The following OR56A3 variants were observed in gnomAD, a reference collection of about 807,000 sequenced individuals.
OR56A3 encodes olfactory receptor family 56 subfamily A member 3, also known as olfactory receptor 56A3.
In OR56A3, 23 loss-of-function variants were observed where a neutral mutation model predicts 17.5. The ratio of observed to expected loss-of-function variants is 1.32; its 90% CI spans 0.95 to 1.87. The LOEUF is 1.87. Among genes scored for constraint, OR56A3 ranks in the 40% most tolerant of loss-of-function variants. The pLI, the probability that OR56A3 is intolerant of heterozygous loss-of-function variation, is 0.00. For missense variants in OR56A3, 366 were observed against 380.1 expected, an observed-to-expected ratio of 0.96 and a Z score of 0.31; for synonymous variants, 175 against 150.6, an observed-to-expected ratio of 1.16 and a Z score of -1.19.
chr11:5,998,065 C>A, the OR56A3 span, among the ~76,000 whole-genome samples: 1 of 152,166 alleles, frequency 6.6e-6, no homozygotes, highest in Admixed American at 6.5e-5. Context: ...TGCTGAGACA[C>A]AATCCTCTGT....
At chr11:6,018,795 A>T in the OR56A3 span, among the ~76,000 whole-genome samples, 1 of 152,068 alleles carries the variant, frequency 6.6e-6, no homozygotes, top group Non-Finnish European at 1.5e-5. Context: ...TAGACTAATC[A>T]AAAGAAAAAG....
chr11:5,979,470 T>G, the OR56A3 span, among the ~76,000 whole-genome samples: 1 of 152,110 alleles, frequency 6.6e-6, no homozygotes, highest in Non-Finnish European at 1.5e-5. Flanking sequence ...TTCCAGGAAT[T>G]TATCCATTTT....
chr11:6,008,773 T>C, the OR56A3 span, among the ~76,000 whole-genome samples: 4 of 152,052 alleles, frequency 2.6e-5, no homozygotes, highest in Middle Eastern at 3.2e-3. Context: ...CAACAAAGAA[T>C]CATTCCTGCC....
At chr11:5,996,169 A>T in the OR56A3 span, among the ~76,000 whole-genome samples, 1 of 152,250 alleles carries the variant, frequency 6.6e-6, no homozygotes, top group Non-Finnish European at 1.5e-5. Context: ...TGTTATCAAC[A>T]GATGAATGGG....
At chr11:5,984,010 C>T in the OR56A3 span, among the ~76,000 whole-genome samples, 26 of 152,216 alleles carry the variant, frequency 1.7e-4, no homozygotes, top group Admixed American at 1.1e-3. Context: ...TGAGATTTTG[C>T]GATGTCTTTC....
chr11:5,960,788 G>A, the OR56A3 span, among the ~76,000 whole-genome samples: 7 of 150,924 alleles, frequency 4.6e-5, no homozygotes, highest in African/African-American at 9.8e-5. Flanking sequence ...GCGTCTTCCC[G>A]GCCGTCATCC....
chr11:6,019,822 T>C, the OR56A3 span: 1 of 152,136 alleles, frequency 6.6e-6, no homozygotes, highest in Admixed American at 6.5e-5. Flanking sequence ...CTCAAAAGCA[T>C]TTAGGCACAG....
the OR56A3 span, among the ~76,000 whole-genome samples, chr11:5,972,664 T>A: frequency 1.3e-5 from 2 of 152,220 alleles, no homozygotes; most frequent in Non-Finnish European, 2.9e-5. Flanking sequence ...AAGGTTCCCA[T>A]GAGAGCCAGG....
intron 1 of OR56A3, among the ~76,000 whole-genome samples, chr11:5,943,061 G>A (rs1233137234): frequency 6.6e-6 from 1 of 152,152 alleles, no homozygotes; most frequent in Non-Finnish European, 1.5e-5. Context: ...GGCAAGTTTT[G>A]ATTACAAACC....
At chr11:5,982,599 C>A in the OR56A3 span, among the ~76,000 whole-genome samples, 1 of 152,144 alleles carries the variant, frequency 6.6e-6, no homozygotes, top group Non-Finnish European at 1.5e-5. Flanking sequence ...TATCCCTGTT[C>A]TCTACAGGGC....
the OR56A3 span, among the ~76,000 whole-genome samples, chr11:5,978,318 TATTG>T: frequency 6.6e-6 from 1 of 152,218 alleles, no homozygotes; most frequent in Admixed American, 6.5e-5. Flanking sequence ...GTTTTAACAA[TATTG>T]ATTGTTTCTA....
chr11:5,994,183 G>C, the OR56A3 span: 1 of 517,386 alleles, frequency 1.9e-6, no homozygotes, highest in Non-Finnish European at 3.8e-6. Context: ...GGCATAGCAG[G>C]CCTCCACCTC....
At chr11:5,978,899 T>C in the OR56A3 span, among the ~76,000 whole-genome samples, 1 of 152,198 alleles carries the variant, frequency 6.6e-6, no homozygotes, top group Non-Finnish European at 1.5e-5. Flanking sequence ...CTTTGATGCC[T>C]AGTTTGTTGC....
the OR56A3 span, chr11:6,002,570 G>A: frequency 3.7e-6 from 6 of 1,614,122 alleles, no homozygotes; most frequent in Non-Finnish European, 5.1e-6. Context: ...CCACAAACTG[G>A]TCAGTGATGA....
chr11:5,968,667 A>T, the OR56A3 span, among the ~76,000 whole-genome samples: 2 of 152,238 alleles, frequency 1.3e-5, no homozygotes, highest in Admixed American at 1.3e-4. Context: ...AAATATTAAC[A>T]TAAATAGTGA....
chr11:6,000,082 A>G, the OR56A3 span: 1 of 152,248 alleles, frequency 6.6e-6, no homozygotes, highest in African/African-American at 2.4e-5. Flanking sequence ...AGAACTAGAA[A>G]TACCATTTGA....
chr11:5,958,518 G>A, the OR56A3 span, among the ~76,000 whole-genome samples: 1 of 152,036 alleles, frequency 6.6e-6, no homozygotes. Context: ...AATGGACAGT[G>A]TATGTATTTT....
the OR56A3 span, among the ~76,000 whole-genome samples, chr11:5,989,290 CAG>C: frequency 1.3e-5 from 2 of 152,130 alleles, no homozygotes; most frequent in Non-Finnish European, 2.9e-5. Context: ...GCTAAGGAGT[CAG>C]AGAACAGCTG....
rs1287709737 is a variant in OR56A3 at position 5,949,599 on chromosome 11, T to A, written c.*1305T>A. ...GTGCTTCAGTAACAACTTACAAGTA[T>A]GTGTTACTTTGTTTTGACCATACAA... On this transcript the variant is annotated 3_prime_UTR_variant, in exon 3 of 3. Transcript: ENST00000641160. 6.6e-6 allele frequency: 1 copy of A among 152,226 alleles called. No individual in the cohort carries two copies. The highest frequency in any genetic ancestry group is 1.5e-5 in the Non-Finnish European group (1 of 68,036). 9.4% of individuals were successfully genotyped at this position (152,226 alleles called of 1,614,324 possible).
Sources: gnomAD v4.1 joint callset for allele counts (sites outside exome capture counted in the v4.1 genomes callset) on GRCh38, gnomAD v4.1.1 for gene constraint, MANE v1.5 for transcripts, NCBI Gene and HGNC (gene_info 2026-07-23, HGNC 2026-07-21) for gene names.